Variants in MEGF6 observed in about 807,000 individuals in gnomAD.
MEGF6 encodes the protein multiple EGF like domains 6, also known as multiple epidermal growth factor-like domains protein 6.
Under a neutral mutation model 207.1 loss-of-function variants are expected in MEGF6, and 184 were observed. The observed-to-expected ratio is 0.89, with a 90% CI of 0.79 to 1.00. MEGF6 has a LOEUF of 1.00. Ranked by LOEUF, MEGF6 falls within the 50% of genes least tolerant of loss-of-function variation. MEGF6 has a pLI of 0.00. For missense variants in MEGF6, 2,282 were observed against 2,202.9 expected (o/e 1.04, Z -0.72); for synonymous variants, 1,038 against 910.0 (o/e 1.14, Z -2.53).
At position 3,578,540 on chromosome 1, in the gene MEGF6, G is replaced by C. The variant is rs535476809; in HGVS notation, c.481+1285C>G. ...GCAATGACAGGGCAGGGGCCCTGGGGGGGGGGGGCCCTTTCGTCCACACGA... is the reference window on the plus strand; with the variant it reads ...GCAATGACAGGGCAGGGGCCCTGGGCGGGGGGGGCCCTTTCGTCCACACGA... On this transcript the variant is annotated intron_variant, in intron 4 of 36. Coordinates refer to ENST00000356575, the MANE Select transcript of MEGF6 (RefSeq NM_001409.4). Among the ~76,000 whole-genome samples, 301 of 152,208 alleles carry C rather than the reference G, an allele frequency of 2.0e-3. 1 individual carries two copies. The highest frequency in any genetic ancestry group is 3.3e-3 in the Non-Finnish European group (227 of 67,988).
At chr1:3,516,768 T>C in intron 5 of MEGF6, among the ~76,000 whole-genome samples, 1 of 152,198 alleles carries the variant, frequency 6.6e-6, no homozygotes, top group Admixed American at 6.5e-5. Context: ...AAACCCACCG[T>C]GCTCGCCGTA....
Position 3,524,402 on chromosome 1 carries a change from C to T in MEGF6, c.482-156G>A, listed in dbSNP as rs1331528226. ...TCACCCACATCTGCCGGAGACGCAG[C>T]AGAAGAGACAGGGTCTGTGCTTCCA... On this transcript the variant is annotated intron_variant, in intron 4 of 36. Transcript: ENST00000356575. Among the ~76,000 whole-genome samples the T allele has an allele frequency of 3.3e-5, 5 of 152,202 alleles. No homozygotes were observed. The South Asian group carries it at 1.0e-3, about 32-fold the overall frequency.
chr1:3,592,751 G>C (rs1643999839), intron 3 of MEGF6, among the ~76,000 whole-genome samples: 1 of 152,034 alleles, frequency 6.6e-6, no homozygotes, highest in South Asian at 2.1e-4. Flanking sequence ...GGGTTGAACA[G>C]GGAGCGGCCA....
Position 3,505,533 on chromosome 1 carries a change from G to T in MEGF6, c.1942C>A (p.Pro648Thr). Residue 648 changes from proline (P) to threonine (T), a missense_variant, in exon 16 of 37, where the codon CCG (proline) becomes ACG (threonine). By Grantham distance (38) the Pro-to-Thr change is conservative. Coordinates refer to ENST00000356575, the MANE Select transcript of MEGF6 (RefSeq NM_001409.4). ...HLTCPPWAFGPGCSEECQCVQ... is the reference protein window; with the variant it reads ...HLTCPPWAFGTGCSEECQCVQ... ...CACTGGCACTCCTCCGAGCAGCCCG[G>T]CCCAAAGGCCCACGGCGGGCAGGCT... 1 of 1,591,402 alleles carries T rather than the reference G, an allele frequency of 6.3e-7. No individual in the cohort carries two copies. Among genetic ancestry groups the T allele is most frequent in the Admixed American group, 1.7e-5 (1 of 57,576 alleles).
At chr1:3,582,389 G>A (rs1040456801) in intron 3 of MEGF6, among the ~76,000 whole-genome samples, 5 of 152,054 alleles carry the variant, frequency 3.3e-5, no homozygotes, top group Admixed American at 6.5e-5. Context: ...CCTGCATCCC[G>A]TCCAAAGCCA....
At chr1:3,618,749 G>A in the MEGF6 span, among the ~76,000 whole-genome samples, 1 of 152,176 alleles carries the variant, frequency 6.6e-6, no homozygotes, top group Admixed American at 6.5e-5. The surrounding 1 kb of genome is among the most constrained non-coding windows in gnomAD (Gnocchi z 4.7). Flanking sequence ...CACAGCCCTG[G>A]GACCCGCCAA....
chr1:3,559,070 T>C (rs535695375), intron 4 of MEGF6, among the ~76,000 whole-genome samples: 5 of 152,090 alleles, frequency 3.3e-5, no homozygotes, highest in African/African-American at 7.2e-5. Context: ...AAACCGAATA[T>C]CTTAGAAGAT....
At chr1:3,586,916 C>T (rs1034442676) in intron 3 of MEGF6, among the ~76,000 whole-genome samples, 5 of 152,214 alleles carry the variant, frequency 3.3e-5, no homozygotes, top group African/African-American at 1.2e-4. Context: ...GTGCCAAGGC[C>T]GCAGGTGCAC....
intron 35 of MEGF6, among the ~76,000 whole-genome samples, 171 bp from the exon 36 acceptor site, chr1:3,491,130 G>GT (rs1224650717): frequency 1.2e-5 from 1 of 84,148 alleles, no homozygotes; most frequent in East Asian, 3.4e-4. Flanking sequence ...GCGGGAGCTG[G>GT]GGGGGGGGGC....
chr1:3,541,398 C>G (rs993404943), intron 4 of MEGF6, among the ~76,000 whole-genome samples: 1 of 152,234 alleles, frequency 6.6e-6, no homozygotes, highest in African/African-American at 2.4e-5. Context: ...GTGGAAATGC[C>G]GTTCTCCTGG....
chr1:3,516,228 T>C (rs1378887669), intron 5 of MEGF6, among the ~76,000 whole-genome samples: 1 of 152,244 alleles, frequency 6.6e-6, no homozygotes, highest in East Asian at 1.9e-4. Context: ...GGCTGTGCCC[T>C]GAGCTGGCGC....
At position 3,506,177 on chromosome 1, in the gene MEGF6, C is replaced by T. The variant is rs904328019; in HGVS notation, c.1849G>A (p.Gly617Ser). ...CRKKCNCANR[G>S]RCHRLYGACL... ...GCCCCGTAGAGGCGGTGGCACCGGC[C>T]CCGGTTGGCACAGTTGCATTTCTTG... The change falls in exon 15 of 37, where the codon GGC (glycine) becomes AGC (serine). Residue 617 changes from glycine (G) to serine (S), a missense_variant. Physicochemically the swap from Gly to Ser is moderately conservative, Grantham distance 56. Transcript: ENST00000356575. The T allele has an allele frequency of 1.3e-6, 2 of 1,598,756 alleles. No individual in the cohort carries two copies. Among genetic ancestry groups the T allele is most frequent in the Non-Finnish European group, 1.7e-6 (2 of 1,172,166 alleles).
intron 2 of MEGF6, among the ~76,000 whole-genome samples, chr1:3,599,930 G>A (rs561677362): frequency 2.4e-4 from 37 of 152,298 alleles, no homozygotes; most frequent in African/African-American, 8.2e-4. Context: ...AGGAAATACT[G>A]TCAGCTCAGT....
chr1:3,552,698 T>TA (rs1258274788), intron 4 of MEGF6, among the ~76,000 whole-genome samples: 1 of 151,966 alleles, frequency 6.6e-6, no homozygotes, highest in Non-Finnish European at 1.5e-5. Context: ...ATTCTGTCTC[T>TA]AAAAAAAGAA....
chr1:3,611,543 C>T, upstream of MEGF6: 3 of 328,398 alleles, frequency 9.1e-6, no homozygotes, highest in Non-Finnish European at 1.6e-5. Flanking sequence ...CCGCCACGCC[C>T]CCGGCCCGCC....
At chr1:3,503,944 C>T (rs552509586) in intron 17 of MEGF6, among the ~76,000 whole-genome samples, 8 of 152,266 alleles carry the variant, frequency 5.3e-5, no homozygotes, top group East Asian at 1.9e-4. Context: ...TAGAGTGCTC[C>T]GGCCCTTAGT....
intron 3 of MEGF6, among the ~76,000 whole-genome samples, chr1:3,582,419 C>T (rs1313574794): frequency 6.6e-6 from 1 of 152,200 alleles, no homozygotes; most frequent in Non-Finnish European, 1.5e-5. Context: ...GGTCCACCCT[C>T]AGGGTATCTT....
chr1:3,510,000 C>A lies in MEGF6; in HGVS notation c.1235-8G>T. On this transcript the variant is annotated splice_polypyrimidine_tract_variant and splice_region_variant and intron_variant, in intron 10 of 36. Transcript: ENST00000356575. The stretch of plus-strand genomic sequence containing the variant: ...AGGCGCACTCATCCACATCTGCGGG[C>A]GACCCGGGACCACTGAGGCCTGTGC... 6.3e-7 allele frequency: 1 copy of A among 1,580,526 alleles called. No individual in the cohort carries two copies.
chr1:3,522,483 G>A (rs1470505539), intron 5 of MEGF6, among the ~76,000 whole-genome samples: 11 of 152,114 alleles, frequency 7.2e-5, no homozygotes, highest in East Asian at 1.9e-4. Flanking sequence ...GGCGAGCACC[G>A]CAGATTAAGC....
Sources: gnomAD v4.1 joint callset for allele counts (sites outside exome capture counted in the v4.1 genomes callset) on GRCh38, gnomAD v4.1.1 for gene constraint, Gnocchi (gnomAD v3.1) non-coding constraint, MANE v1.5 for transcripts, NCBI Gene and HGNC (gene_info 2026-07-23, HGNC 2026-07-21) for gene names.